Variants in SYNE1 observed in about 807,000 individuals in gnomAD.
The protein encoded by SYNE1 is spectrin repeat containing nuclear envelope protein 1.
Under a neutral mutation model 1,111.0 loss-of-function variants are expected in SYNE1, and 616 were observed. That is an observed-to-expected ratio of 0.55 (90% CI 0.52 to 0.59). SYNE1 has a LOEUF of 0.59. Among genes scored for constraint, SYNE1 ranks in the 20% least tolerant of loss-of-function variants. The pLI is 0.00. For synonymous variants in SYNE1, 3,855 were observed against 3,825.8 expected, an observed-to-expected ratio of 1.01 and a Z score of -0.28; for missense variants, 10,006 against 10,417.0, an observed-to-expected ratio of 0.96 and a Z score of 1.72.
chr6:152,133,255 T>G (rs2056290741), intron 143 of SYNE1, 21 bp downstream of exon 143: 1 of 1,607,970 alleles, frequency 6.2e-7, no homozygotes, highest in African/African-American at 1.3e-5. Context: ...TGCTACACGA[T>G]GATGTCTGTT....
intron 3 of SYNE1, among the ~76,000 whole-genome samples, chr6:152,584,171 G>A (rs545894263): frequency 4.7e-4 from 71 of 152,054 alleles, no homozygotes; most frequent in Non-Finnish European, 6.2e-4. Flanking sequence ...TTTTCCTTAG[G>A]GTTCTGGTGA....
chr6:152,330,619 T>A lies in SYNE1; in HGVS notation c.14066A>T (p.Glu4689Val), dbSNP rs765522650. The change falls in exon 78 of 146, where the codon GAA becomes GTA. Residue 4689 changes from glutamate (E) to valine (V), a missense_variant. Coordinates refer to ENST00000367255, the MANE Select transcript of SYNE1 (RefSeq NM_182961.4). ...CATCCTCAAGAATTGGGCTTCAAGTTCACTCAGAGACTGGGTTGTCAACTC... is the reference window on the plus strand; with the variant it reads ...CATCCTCAAGAATTGGGCTTCAAGTACACTCAGAGACTGGGTTGTCAACTC... ...LIELTTQSLS[E>V]LEAQFLRMSK... 1 of 1,613,578 alleles carries A rather than the reference T, an allele frequency of 6.2e-7. No individual in the cohort carries two copies. The highest frequency in any genetic ancestry group is 1.1e-5 in the South Asian group (1 of 91,068).
chr6:152,583,456 T>C (rs17082842), intron 3 of SYNE1, among the ~76,000 whole-genome samples: 5,543 of 152,304 alleles, frequency 0.036, 349 homozygotes, highest in African/African-American at 0.13. Flanking sequence ...TCACCAGCTT[T>C]CTAAGGTTAC....
intron 76 of SYNE1, 43 bp downstream of exon 76, chr6:152,336,798 T>C (rs1347488769): frequency 1.2e-6 from 2 of 1,605,776 alleles, no homozygotes; most frequent in South Asian, 2.2e-5. Flanking sequence ...TTTTCTACTC[T>C]GTTGGCCTCT....
chr6:152,301,353 C>G (rs1205503745), intron 92 of SYNE1, among the ~76,000 whole-genome samples: 1 of 152,120 alleles, frequency 6.6e-6, no homozygotes, highest in Non-Finnish European at 1.5e-5. Context: ...TAGAAAATAA[C>G]AAAGTTGATT....
intron 3 of SYNE1, among the ~76,000 whole-genome samples, chr6:152,605,280 A>G (rs1159477537): frequency 6.6e-6 from 1 of 152,190 alleles, no homozygotes; most frequent in African/African-American, 2.4e-5. Context: ...AGCAATGATG[A>G]AATCTTGTAT....
chr6:152,225,916 T>G, intron 115 of SYNE1, 40 bp from the exon 116 acceptor site: 1 of 1,596,862 alleles, frequency 6.3e-7, no homozygotes, highest in Non-Finnish European at 8.5e-7. Context: ...ATTGTTCTAT[T>G]ATGGAACTCT....
At chr6:152,636,167 C>A (rs2099705585) in intron 2 of SYNE1, among the ~76,000 whole-genome samples, 1 of 152,160 alleles carries the variant, frequency 6.6e-6, no homozygotes, top group South Asian at 2.1e-4. Flanking sequence ...TCTGACGCGC[C>A]AGGGCCTCCG....
intron 11 of SYNE1, among the ~76,000 whole-genome samples, chr6:152,492,226 C>A (rs1171481110): frequency 6.6e-6 from 1 of 152,206 alleles, no homozygotes; most frequent in Admixed American, 6.5e-5. Context: ...TACTACTCAA[C>A]CCACTCCCAA....
chr6:152,328,769 C>T (rs1003624905), intron 78 of SYNE1, among the ~76,000 whole-genome samples: 5 of 152,108 alleles, frequency 3.3e-5, no homozygotes, highest in Non-Finnish European at 5.9e-5. Context: ...TGCAATTAGG[C>T]CAATCTGGGA....
At chr6:152,214,705 C>G (rs1421508607) in intron 122 of SYNE1, among the ~76,000 whole-genome samples, 1 of 152,186 alleles carries the variant, frequency 6.6e-6, no homozygotes, top group Non-Finnish European at 1.5e-5. Flanking sequence ...GCAAAACCTG[C>G]CCTCTTGAAA....
chr6:152,202,358 A>C (rs1410609712), intron 126 of SYNE1, among the ~76,000 whole-genome samples: 1 of 126,976 alleles, frequency 7.9e-6, no homozygotes, highest in African/African-American at 3.9e-5. Context: ...AAAAAAAAAA[A>C]AAAAAAAAAA....
Position 152,254,974 on chromosome 6 carries a change from C to T in SYNE1, c.19376G>A (p.Gly6459Asp). The T allele has an allele frequency of 6.2e-7, 1 of 1,613,980 alleles. No homozygotes were observed. The highest frequency in any genetic ancestry group is 8.5e-7 in the Non-Finnish European group (1 of 1,179,964). Residue 6459 changes from glycine (G) to aspartate (D), a missense_variant, in exon 104 of 146, where the codon GGT becomes GAT. By Grantham distance (94) the Gly-to-Asp change is moderately conservative (BLOSUM62 -1). Transcript: ENST00000367255. ...CAAGGATAACCTGCCCAAAAGACAA[C>T]CCAAAGTATCTTCAATAACATCTCG... ...DNRDVIEDTL[G>D]CLLGRLSLLD...
intron 44 of SYNE1, among the ~76,000 whole-genome samples, chr6:152,407,843 C>A (rs772121058): frequency 3.3e-5 from 5 of 150,596 alleles, no homozygotes; most frequent in Non-Finnish European, 2.9e-5. Context: ...CTCACTGCAA[C>A]CTCCGCCTCC....
At chr6:152,527,267 A>G (rs1423766340) in intron 4 of SYNE1, among the ~76,000 whole-genome samples, 3 of 152,208 alleles carry the variant, frequency 2.0e-5, no homozygotes, top group Admixed American at 2.0e-4. Flanking sequence ...TTCTCTTACA[A>G]CTGCATGAAT....
In SYNE1 at chr6:152,409,054, G is replaced by A; in HGVS notation, c.6540+14C>T. Reference sequence around the variant, plus strand: ...TATTTAAATAGTTCACAGAATCCCAGGTGATTATCTTACATCCAGCCATTT... The same window carrying A: ...TATTTAAATAGTTCACAGAATCCCAAGTGATTATCTTACATCCAGCCATTT... On this transcript the variant is annotated intron_variant, in intron 44 of 145. Transcript: ENST00000367255. 1 of 1,613,138 alleles carries A rather than the reference G, an allele frequency of 6.2e-7. No homozygotes were observed. Among genetic ancestry groups the A allele is most frequent in the South Asian group, 1.1e-5 (1 of 91,048 alleles).
At chr6:152,289,041 T>C (rs1180441897) in intron 95 of SYNE1, among the ~76,000 whole-genome samples, 2 of 152,202 alleles carry the variant, frequency 1.3e-5, no homozygotes, top group Non-Finnish European at 2.9e-5. Context: ...TGTACAGCAT[T>C]GTGAATGTAC....
intron 73 of SYNE1, among the ~76,000 whole-genome samples, chr6:152,346,376 A>G (rs2096631527): frequency 6.6e-6 from 1 of 151,862 alleles, no homozygotes; most frequent in Non-Finnish European, 1.5e-5. Flanking sequence ...CATGTTGGCC[A>G]GGCTGGTCTC....
At chr6:152,333,551 T>A (rs148562131) in intron 77 of SYNE1, among the ~76,000 whole-genome samples, 56 of 152,268 alleles carry the variant, frequency 3.7e-4, no homozygotes, top group Non-Finnish European at 6.8e-4. Context: ...TGACTCTATA[T>A]CCATTTGAAA....
Sources: allele counts gnomAD v4.1 joint callset (sites outside exome capture counted in the v4.1 genomes callset), GRCh38; gene constraint gnomAD v4.1.1; transcripts MANE v1.5; gene names NCBI Gene and HGNC (gene_info 2026-07-23, HGNC 2026-07-21).